The following PPP1R11 variants were observed in gnomAD, a reference collection of about 807,000 sequenced individuals.
PPP1R11 encodes protein phosphatase 1 regulatory inhibitor subunit 11.
In PPP1R11, 10 loss-of-function variants were observed where a neutral mutation model predicts 11.3. The ratio of observed to expected loss-of-function variants is 0.88; its 90% CI spans 0.55 to 1.50. PPP1R11 has a LOEUF of 1.50. Among genes scored for constraint, PPP1R11 ranks in the 40% most tolerant of loss-of-function variants. PPP1R11 has a pLI of 0.00. For synonymous variants in PPP1R11, 56 were observed against 62.3 expected (o/e 0.90, Z 0.48); for missense variants, 114 against 179.1 (o/e 0.64, Z 2.07).
chr6:30,064,292 C>CA (rs372351529), upstream of PPP1R11, among the ~76,000 whole-genome samples: 13,306 of 143,964 alleles, frequency 0.092, 683 homozygotes, highest in Admixed American at 0.15. Flanking sequence ...GTCATTTTAC[C>CA]AAAAAAAAAA....
chr6:30,063,018 G>A (rs1435241927), upstream of PPP1R11, among the ~76,000 whole-genome samples: 1 of 152,006 alleles, frequency 6.6e-6, no homozygotes, highest in Non-Finnish European at 1.5e-5. The surrounding 1 kb of genome is among the most constrained non-coding windows in gnomAD (Gnocchi z 4.1). Flanking sequence ...ATGACTTAGA[G>A]AACATGGGCT....
At chr6:30,068,801 A>G in intron 2 of PPP1R11, 103 bp downstream of exon 2, 1 of 1,061,716 alleles carries the variant, frequency 9.4e-7, no homozygotes, top group African/African-American at 1.6e-5. Context: ...CCAGATGTTC[A>G]TAGTTCTGTC....
chr6:30,062,914 AC>A (rs1468595253), upstream of PPP1R11, among the ~76,000 whole-genome samples: 2 of 151,368 alleles, frequency 1.3e-5, no homozygotes, highest in Non-Finnish European at 2.9e-5. Flanking sequence ...AAAAAAAACA[AC>A]ATAAGAAGCA....
At chr6:30,065,495 T>C (rs573766520), upstream of PPP1R11, among the ~76,000 whole-genome samples, 1 of 152,326 alleles carries the variant, frequency 6.6e-6, no homozygotes, top group African/African-American at 2.4e-5. This position sits in a 1 kb window ranked among gnomAD's most constrained non-coding sequence, Gnocchi z 5.3. Context: ...ATTGTAAGAT[T>C]ATATGTATTA....
At chr6:30,061,925 G>T, upstream of PPP1R11, 1 of 1,613,092 alleles carries the variant, frequency 6.2e-7, no homozygotes, top group Non-Finnish European at 8.5e-7. The surrounding 1 kb of genome is among the most constrained non-coding windows in gnomAD (Gnocchi z 5.0). Context: ...AGACTTTGAG[G>T]GGAAGGTTGT....
intron 1 of PPP1R11, among the ~76,000 whole-genome samples, chr6:30,067,953 G>A (rs2127303840): frequency 6.6e-6 from 1 of 152,308 alleles, no homozygotes; most frequent in Non-Finnish European, 1.5e-5. Flanking sequence ...TGAGAAATCA[G>A]AGAGCAAAGA....
upstream of PPP1R11, chr6:30,067,183 G>T: frequency 2.1e-6 from 1 of 467,886 alleles, no homozygotes; most frequent in East Asian, 3.3e-5. Context: ...GGGAAAAAGG[G>T]GGACTGCAGT....
chr6:30,065,571 G>A (rs1677059924), upstream of PPP1R11, among the ~76,000 whole-genome samples: 1 of 145,404 alleles, frequency 6.9e-6, no homozygotes, highest in Non-Finnish European at 1.5e-5. This position sits in a 1 kb window ranked among gnomAD's most constrained non-coding sequence, Gnocchi z 5.3. Flanking sequence ...AAGGCATCTG[G>A]TCAACAGTAA....
Position 30,070,035 on chromosome 6 carries a change from C to T in PPP1R11, c.*729C>T, listed in dbSNP as rs1489483170. Reference sequence around the variant, plus strand: ...GCCTTTTGTTTTTCAGCTTCAGAGACAGATCCAATATAGTCCCAGGGACCT... The same window carrying T: ...GCCTTTTGTTTTTCAGCTTCAGAGATAGATCCAATATAGTCCCAGGGACCT... On this transcript the variant is annotated 3_prime_UTR_variant, in exon 3 of 3. Coordinates refer to ENST00000376772, the MANE Select transcript of PPP1R11 (RefSeq NM_021959.3). The T allele has an allele frequency of 6.6e-6, 1 of 152,234 alleles. No individual in the cohort carries two copies. Among genetic ancestry groups the T allele is most frequent in the Non-Finnish European group, 1.5e-5 (1 of 68,070 alleles). The allele number at this position is 152,234 out of a possible 1,614,324, so 9.4% of individuals were successfully genotyped here. A position where few individuals can be genotyped will look rare whatever the true frequency, so the allele number is the denominator to read the frequency against.
the PPP1R11 span, chr6:30,061,388 A>T: frequency 1.1e-6 from 1 of 934,742 alleles, no homozygotes; most frequent in Non-Finnish European, 1.6e-6. The surrounding 1 kb of genome is among the most constrained non-coding windows in gnomAD (Gnocchi z 5.0). Context: ...TTGGTCGCAG[A>T]GGCAGGAGGC....
upstream of PPP1R11, among the ~76,000 whole-genome samples, chr6:30,063,922 G>A (rs975805924): frequency 1.3e-5 from 2 of 152,168 alleles, no homozygotes; most frequent in South Asian, 4.1e-4. This position sits in a 1 kb window ranked among gnomAD's most constrained non-coding sequence, Gnocchi z 4.1. Flanking sequence ...TCTACCTACT[G>A]AGACAGTCAA....
At chr6:30,064,305 AT>A (rs199991816), upstream of PPP1R11, among the ~76,000 whole-genome samples, 46 of 151,080 alleles carry the variant, frequency 3.0e-4, no homozygotes, top group Admixed American at 2.4e-3. Context: ...AAAAAAAAAA[AT>A]TTTTTTTAAA....
chr6:30,062,484 A>AT (rs1765163540), upstream of PPP1R11: 12 of 451,722 alleles, frequency 2.7e-5, no homozygotes, highest in South Asian at 5.4e-4. Flanking sequence ...GTTGTTTTTT[A>AT]TTTTTTTAAG....
Position 30,067,363 on chromosome 6 carries a change from G to GA in PPP1R11, c.-48_-47insA. 1 of 1,564,408 alleles carries GA rather than the reference G, an allele frequency of 6.4e-7. No individual in the cohort carries two copies. The highest frequency in any genetic ancestry group is 8.8e-7 in the Non-Finnish European group (1 of 1,135,880). ...GACCTCAGCGACAGAAAAAGGGAAG[G>GA]GTGTCTCATCCCCCTTCCTCCTCTC... is the stretch of plus-strand genomic sequence containing the variant. On this transcript the variant is annotated 5_prime_UTR_variant, in exon 1 of 3. Coordinates refer to ENST00000376772, the MANE Select transcript of PPP1R11 (RefSeq NM_021959.3).
upstream of PPP1R11, chr6:30,061,962 TG>T (rs1225056467): frequency 2.5e-6 from 4 of 1,612,954 alleles, no homozygotes; most frequent in Non-Finnish European, 2.5e-6. This position sits in a 1 kb window ranked among gnomAD's most constrained non-coding sequence, Gnocchi z 5.0. Flanking sequence ...TTCCACCAAC[TG>T]GGGACAGCCA....
At chr6:30,066,102 C>T (rs1166161510), upstream of PPP1R11, among the ~76,000 whole-genome samples, 3 of 152,166 alleles carry the variant, frequency 2.0e-5, no homozygotes, top group Admixed American at 6.5e-5. Context: ...GTTGACTTTC[C>T]TGACCCACTC....
At chr6:30,064,896 A>G (rs3188482), upstream of PPP1R11, 40,020 of 433,336 alleles carry the variant, frequency 0.092, 2,756 homozygotes, top group African/African-American at 0.22. Context: ...ATATTTTTCT[A>G]TAAGACCCTG....
At chr6:30,067,575 A>G (rs1464093865) in intron 1 of PPP1R11, 96 bp downstream of exon 1, 3 of 1,442,774 alleles carry the variant, frequency 2.1e-6, no homozygotes, top group Non-Finnish European at 2.9e-6. Flanking sequence ...AGCTAGGCCT[A>G]GGGATATGGG....
chr6:30,066,206 A>G (rs1765511593), upstream of PPP1R11, among the ~76,000 whole-genome samples: 1 of 152,180 alleles, frequency 6.6e-6, no homozygotes, highest in Non-Finnish European at 1.5e-5. Flanking sequence ...ATTTCTTAGC[A>G]AAGCATACAG....
Sources: allele counts gnomAD v4.1 joint callset (sites outside exome capture counted in the v4.1 genomes callset), GRCh38; gene constraint gnomAD v4.1.1; non-coding constraint Gnocchi (gnomAD v3.1); transcripts MANE v1.5; gene names NCBI Gene and HGNC (gene_info 2026-07-23, HGNC 2026-07-21).